WDR20: variants seen among roughly 807,000 people sequenced by gnomAD.
WDR20 encodes the protein WD repeat domain 20.
A neutral mutation model predicts 38.7 loss-of-function variants in WDR20; 3 were observed. The observed-to-expected ratio is 0.08, with a 90% confidence interval of 0.04 to 0.20. The LOEUF (loss-of-function observed/expected upper bound fraction) is 0.20. Ranked by LOEUF, WDR20 falls within the 10% of genes least tolerant of loss-of-function variation. The pLI, the probability that WDR20 is intolerant of heterozygous loss-of-function variation, is 1.00. For missense variants in WDR20, 559 were observed against 727.7 expected (o/e 0.77, Z 2.67); for synonymous variants, 298 against 285.6 (o/e 1.04, Z -0.44).
At chr14:102,169,695 T>C (rs1024649726) in intron 1 of WDR20, among the ~76,000 whole-genome samples, 1 of 152,038 alleles carries the variant, frequency 6.6e-6, no homozygotes, top group Non-Finnish European at 1.5e-5. Context: ...ACCCGGCTTA[T>C]TTTTGTATTT....
At chr14:102,223,410 T>C (rs2064122580) in exon 4 of WDR20, 1 of 152,652 alleles carries the variant, frequency 6.6e-6, no homozygotes, top group African/African-American at 2.4e-5. Context: ...TTAAAAATAG[T>C]TGAATGCTGG....
chr14:102,168,922 G>C (rs2060292188), intron 1 of WDR20, among the ~76,000 whole-genome samples: 1 of 152,178 alleles, frequency 6.6e-6, no homozygotes, highest in Non-Finnish European at 1.5e-5. Flanking sequence ...CTGTTCTCCT[G>C]ATGTCAGCCA....
downstream of WDR20, chr14:102,223,742 G>C (rs540493951): frequency 6.6e-6 from 1 of 152,282 alleles, no homozygotes; most frequent in South Asian, 2.1e-4. Flanking sequence ...GGTTGGTATG[G>C]AATTGTTTTG....
At position 102,207,201 on chromosome 14, in the gene WDR20, C is replaced by G. The variant is rs2061702134; in HGVS notation, c.433-1402C>G. On this transcript the variant is annotated intron_variant, in intron 2 of 2. Coordinates refer to ENST00000342702, the MANE Select transcript of WDR20 (RefSeq NM_144574.4). This position sits in a 1 kb window ranked among gnomAD's most constrained non-coding sequence, Gnocchi z 5.0. Reference sequence around the variant, plus strand: ...ACTGCCCAATGCATGGTCCCCAGCCCTGGGCCCGCATGCTGTGTGGCGTTC... The same window carrying G: ...ACTGCCCAATGCATGGTCCCCAGCCGTGGGCCCGCATGCTGTGTGGCGTTC... Among the ~76,000 whole-genome samples, 1 of 152,262 alleles carries G rather than the reference C, an allele frequency of 6.6e-6. No individual in the cohort carries two copies. The highest frequency in any genetic ancestry group is 1.5e-5 in the Non-Finnish European group (1 of 68,040).
chr14:102,173,827 G>A (rs2061497792), intron 1 of WDR20, among the ~76,000 whole-genome samples: 1 of 152,048 alleles, frequency 6.6e-6, no homozygotes, highest in Non-Finnish European at 1.5e-5. Flanking sequence ...GGCAGATCAT[G>A]AGGTCAGGAG....
At chr14:102,175,680 A>T (rs571725422) in intron 1 of WDR20, among the ~76,000 whole-genome samples, 1 of 152,316 alleles carries the variant, frequency 6.6e-6, no homozygotes, top group South Asian at 2.1e-4. Context: ...TTACGCATCC[A>T]TGGCATGGGA....
At chr14:102,160,978 G>A (rs2058523538) in intron 1 of WDR20, among the ~76,000 whole-genome samples, 1 of 143,278 alleles carries the variant, frequency 7.0e-6, no homozygotes. Context: ...GAATAATGCT[G>A]CAGTGAATAA....
At chr14:102,161,673 C>T (rs2058786057) in intron 1 of WDR20, among the ~76,000 whole-genome samples, 1 of 152,042 alleles carries the variant, frequency 6.6e-6, no homozygotes, top group Non-Finnish European at 1.5e-5. Context: ...GGGCTTCAGG[C>T]ATGGTTTGAT....
At chr14:102,158,708 AAG>A (rs2152758708) in intron 1 of WDR20, among the ~76,000 whole-genome samples, 1 of 152,218 alleles carries the variant, frequency 6.6e-6, no homozygotes, top group African/African-American at 2.4e-5. Context: ...AAACAGTCAA[AAG>A]AGAATTTCTC....
In WDR20 at chr14:102,220,859, C is replaced by T. The variant is rs1233716954; in HGVS notation, c.1693-1971C>T. Among the ~76,000 whole-genome samples, 2 of 152,104 alleles carry T rather than the reference C, an allele frequency of 1.3e-5. No homozygotes were observed. The highest frequency in any genetic ancestry group is 3.9e-4 in the East Asian group (2 of 5,190). On this transcript the variant is annotated intron_variant, in intron 3 of 3. Coordinates refer to the WDR20 transcript ENST00000335263. This position sits in a 1 kb window ranked among gnomAD's most constrained non-coding sequence, Gnocchi z 4.2. The stretch of plus-strand genomic sequence containing the variant: ...TCGCGGCTCATTGCACCCTGCATCT[C>T]CTGGGCTCAAGCCATCCTCCTGCCA...
At chr14:102,182,895 T>C (rs2063697773) in intron 1 of WDR20, among the ~76,000 whole-genome samples, 1 of 152,106 alleles carries the variant, frequency 6.6e-6, no homozygotes, top group South Asian at 2.1e-4. Context: ...AAAATACATA[T>C]ATATACAGGT....
At chr14:102,184,861 C>T (rs575922549) in intron 1 of WDR20, among the ~76,000 whole-genome samples, 36 of 152,258 alleles carry the variant, frequency 2.4e-4, no homozygotes, top group Admixed American at 3.3e-4. Flanking sequence ...GCCCCTTGAA[C>T]GTGGTTGGCC....
At chr14:102,157,251 C>T (rs574998006) in intron 1 of WDR20, 2 of 152,242 alleles carry the variant, frequency 1.3e-5, no homozygotes, top group South Asian at 2.1e-4. Context: ...AACAGAAACC[C>T]TGTCTCTAAA....
chr14:102,143,203 C>T (rs1388083520), intron 1 of WDR20, among the ~76,000 whole-genome samples: 1 of 152,210 alleles, frequency 6.6e-6, no homozygotes, highest in African/African-American at 2.4e-5. Flanking sequence ...TTAGAAGAGA[C>T]TGATCCACCT....
At chr14:102,178,220 C>T (rs369251111) in intron 1 of WDR20, among the ~76,000 whole-genome samples, 2 of 151,654 alleles carry the variant, frequency 1.3e-5, no homozygotes, top group African/African-American at 4.8e-5. Context: ...GGTGAAACCC[C>T]GTCTCTACCA....
chr14:102,209,058 A>G lies in WDR20; in HGVS notation c.888A>G (p.Val296=), dbSNP rs777603016. The change falls in exon 3 of 3, where the codon GTA becomes GTG. Residue 296 remains valine (V), a synonymous_variant. Coordinates refer to ENST00000342702, the MANE Select transcript of WDR20 (RefSeq NM_144574.4). The surrounding 1 kb of genome is among the most constrained non-coding windows in gnomAD (Gnocchi z 6.0). ...VTVWSFVDCR[V]IARGHGHKSW... ...TCTGGTCCTTTGTAGACTGCCGAGT[A>G]ATAGCCAGAGGCCACGGGCACAAGT... 7 of 1,614,176 alleles carry G rather than the reference A, an allele frequency of 4.3e-6. No individual in the cohort carries two copies. The Admixed American group carries it at 1.2e-4, about 27-fold the overall frequency.
chr14:102,188,872 C>CAAAA (rs34508888), intron 1 of WDR20, among the ~76,000 whole-genome samples: 2 of 97,544 alleles, frequency 2.1e-5, no homozygotes, highest in South Asian at 4.1e-4. Flanking sequence ...GACCCTGTTT[C>CAAAA]AAAAAAAAAA....
chr14:102,173,016 G>A (rs866150190), intron 1 of WDR20, among the ~76,000 whole-genome samples: 4 of 150,646 alleles, frequency 2.7e-5, no homozygotes, highest in African/African-American at 4.9e-5. Flanking sequence ...GACGATGGGC[G>A]GCCGGGCAGA....
At chr14:102,168,224 C>T (rs976170730) in intron 1 of WDR20, among the ~76,000 whole-genome samples, 5 of 152,088 alleles carry the variant, frequency 3.3e-5, no homozygotes, top group African/African-American at 1.2e-4. Flanking sequence ...AGAAGGCAAG[C>T]CTGTTAATCA....
Sources: allele counts gnomAD v4.1 joint callset (sites outside exome capture counted in the v4.1 genomes callset), GRCh38; gene constraint gnomAD v4.1.1; non-coding constraint Gnocchi (gnomAD v3.1); transcripts MANE v1.5; gene names NCBI Gene and HGNC (gene_info 2026-07-23, HGNC 2026-07-21).